MYRIP: variants seen among roughly 807,000 people sequenced by gnomAD.
MYRIP encodes the protein myosin VIIA and Rab interacting protein.
Under a neutral mutation model 98.0 loss-of-function variants are expected in MYRIP, and 49 were observed. The ratio of observed to expected loss-of-function variants is 0.50; its 90% CI spans 0.40 to 0.63. The LOEUF (loss-of-function observed/expected upper bound fraction) is 0.63, where lower values mean the gene tolerates loss of function less well. Ranked by LOEUF, MYRIP falls within the 30% of genes least tolerant of loss-of-function variation. The pLI is 0.00. For missense variants in MYRIP, 1,004 were observed against 1,058.2 expected (o/e 0.95, Z 0.71); for synonymous variants, 404 against 409.5 (o/e 0.99, Z 0.16).
intron 10 of MYRIP, among the ~76,000 whole-genome samples, chr3:40,196,559 T>G (rs780988703): frequency 1.3e-5 from 2 of 152,240 alleles, no homozygotes; most frequent in Non-Finnish European, 2.9e-5. Context: ...TTATGAATAA[T>G]GAATATGGCT....
chr3:39,974,574 C>T (rs1455276991), intron 2 of MYRIP, among the ~76,000 whole-genome samples: 1 of 152,120 alleles, frequency 6.6e-6, no homozygotes, highest in Non-Finnish European at 1.5e-5. Context: ...ATCCCGGTAC[C>T]AAAGCCTGGC....
At chr3:40,170,852 AG>A (rs1400181013) in intron 8 of MYRIP, among the ~76,000 whole-genome samples, 1 of 152,194 alleles carries the variant, frequency 6.6e-6, no homozygotes, top group Non-Finnish European at 1.5e-5. Flanking sequence ...GGGAAAGGCA[AG>A]GCCAGGGGCT....
intron 1 of MYRIP, among the ~76,000 whole-genome samples, chr3:39,860,733 A>T (rs1379124845): frequency 2.6e-5 from 4 of 152,228 alleles, no homozygotes; most frequent in East Asian, 1.9e-4. Flanking sequence ...AGCCTCCTCC[A>T]TGCTGCATTG....
At chr3:40,112,615 C>T (rs1253014385) in intron 3 of MYRIP, among the ~76,000 whole-genome samples, 1 of 152,180 alleles carries the variant, frequency 6.6e-6, no homozygotes, top group Non-Finnish European at 1.5e-5. Flanking sequence ...GTCACTGTGG[C>T]AGTGTGGAAA....
At chr3:39,843,403 T>G (rs1014130783) in intron 1 of MYRIP, among the ~76,000 whole-genome samples, 1 of 152,166 alleles carries the variant, frequency 6.6e-6, no homozygotes, top group African/African-American at 2.4e-5. Context: ...AAAAAGAAAC[T>G]TATTTATTGC....
At chr3:40,117,036 C>A (rs1365227530) in intron 3 of MYRIP, among the ~76,000 whole-genome samples, 1 of 152,150 alleles carries the variant, frequency 6.6e-6, no homozygotes, top group Non-Finnish European at 1.5e-5. Context: ...AGTGGCTGCA[C>A]CCCCGGCTAT....
intron 3 of MYRIP, among the ~76,000 whole-genome samples, chr3:40,058,529 G>A (rs1290489608): frequency 6.6e-6 from 1 of 151,964 alleles, no homozygotes; most frequent in East Asian, 1.9e-4. Context: ...CTTCTTTAAT[G>A]TGCAATTTTT....
At chr3:39,961,727 G>GCATTATTTC (rs1447237765) in intron 2 of MYRIP, among the ~76,000 whole-genome samples, 1 of 152,010 alleles carries the variant, frequency 6.6e-6, no homozygotes, top group East Asian at 1.9e-4. Flanking sequence ...TAGTCCTATT[G>GCATTATTTC]CATTATTTCT....
chr3:39,910,264 AGAGT>A (rs1191294369), intron 2 of MYRIP, among the ~76,000 whole-genome samples: 5 of 152,236 alleles, frequency 3.3e-5, no homozygotes, highest in African/African-American at 1.2e-4. Flanking sequence ...CAAGTTGTAC[AGAGT>A]AAGAAGTGAA....
At chr3:40,178,954 C>G (rs911643744) in intron 8 of MYRIP, among the ~76,000 whole-genome samples, 1 of 152,208 alleles carries the variant, frequency 6.6e-6, no homozygotes, top group African/African-American at 2.4e-5. Context: ...CACTCTAACT[C>G]AGACCAGCTC....
chr3:39,956,671 C>G (rs2125725562), intron 2 of MYRIP, among the ~76,000 whole-genome samples: 1 of 151,944 alleles, frequency 6.6e-6, no homozygotes, highest in Middle Eastern at 3.4e-3. Context: ...CAAGAAATAA[C>G]TAAGATCAGA....
chr3:40,058,941 AC>A (rs1426550946), intron 3 of MYRIP, among the ~76,000 whole-genome samples: 1 of 41,836 alleles, frequency 2.4e-5, no homozygotes, highest in Non-Finnish European at 5.0e-5. Context: ...CTAGCCCCCC[AC>A]CCCCCAACAG....
intron 1 of MYRIP, among the ~76,000 whole-genome samples, chr3:39,892,914 C>T (rs566457025): frequency 3.9e-5 from 6 of 152,248 alleles, no homozygotes; most frequent in South Asian, 2.1e-4. Flanking sequence ...GTGGTCAGCA[C>T]GCTGCTTTTC....
chr3:40,233,236 T>C (rs1952714338), intron 11 of MYRIP, among the ~76,000 whole-genome samples: 1 of 152,212 alleles, frequency 6.6e-6, no homozygotes, highest in Non-Finnish European at 1.5e-5. Flanking sequence ...GAAAATTTAT[T>C]ATTTTCCTGT....
At chr3:40,051,360 T>G (rs1947791166) in intron 3 of MYRIP, among the ~76,000 whole-genome samples, 1 of 152,136 alleles carries the variant, frequency 6.6e-6, no homozygotes, top group African/African-American at 2.4e-5. Context: ...CCCAGATTAT[T>G]TTTAGTGTTT....
At chr3:40,106,027 G>A (rs1406320799) in intron 3 of MYRIP, among the ~76,000 whole-genome samples, 1 of 151,810 alleles carries the variant, frequency 6.6e-6, no homozygotes, top group African/African-American at 2.4e-5. Context: ...CCATGATCCA[G>A]TCACCTCCCA....
chr3:40,101,036 A>G (rs912036579), intron 3 of MYRIP, among the ~76,000 whole-genome samples: 35 of 152,304 alleles, frequency 2.3e-4, no homozygotes, highest in African/African-American at 8.4e-4. Context: ...CTCCTTACAC[A>G]CCACTTTCAA....
intron 3 of MYRIP, among the ~76,000 whole-genome samples, chr3:40,113,850 C>G (rs907869105): frequency 9.2e-5 from 14 of 152,018 alleles, no homozygotes; most frequent in African/African-American, 3.1e-4. Flanking sequence ...CCACCACGCC[C>G]AGCTAATTTT....
chr3:39,837,457 A>G (rs948745786), intron 1 of MYRIP, among the ~76,000 whole-genome samples: 1 of 152,124 alleles, frequency 6.6e-6, no homozygotes, highest in Non-Finnish European at 1.5e-5. Flanking sequence ...TCCTAACACC[A>G]TTTATTAAAT....
Sources: allele counts gnomAD v4.1 joint callset (sites outside exome capture counted in the v4.1 genomes callset), GRCh38; gene constraint gnomAD v4.1.1; transcripts MANE v1.5; gene names NCBI Gene and HGNC (gene_info 2026-07-23, HGNC 2026-07-21).